The following ATP5PF variants were observed in gnomAD, a reference collection of about 807,000 sequenced individuals.
ATP5PF encodes ATP synthase peripheral stalk subunit F6.
In ATP5PF, 7 loss-of-function variants were observed where a neutral mutation model predicts 12.0. The observed-to-expected ratio is 0.58, with a 90% confidence interval of 0.33 to 1.10. ATP5PF has a LOEUF of 1.10. Ranked by LOEUF, ATP5PF falls within the 50% of genes least tolerant of loss-of-function variation. ATP5PF has a pLI of 0.03. For missense variants in ATP5PF, 120 were observed against 127.7 expected (o/e 0.94, Z 0.29); for synonymous variants, 41 against 45.4 (o/e 0.90, Z 0.39).
At chr21:25,731,092 A>G (rs927846175) in intron 1 of ATP5PF, among the ~76,000 whole-genome samples, 1 of 152,050 alleles carries the variant, frequency 6.6e-6, no homozygotes, top group African/African-American at 2.4e-5. Context: ...ACATACAAAA[A>G]TAAGTCAGGC....
At chr21:25,734,761 C>T (rs1601096348) in intron 1 of ATP5PF, 92 bp downstream of exon 1, 1 of 1,271,396 alleles carries the variant, frequency 7.9e-7, no homozygotes, top group Non-Finnish European at 1.1e-6. Flanking sequence ...CTCTCTCCTC[C>T]TAGTAAAGGT....
chr21:25,734,833 C>A lies in ATP5PF; in HGVS notation c.-8+20G>T. ...TGGAGTCCCAAAAGGCCACGCTGAT[C>A]TAGCTACCCTCCCAGTCACCTTGCA... is the stretch of plus-strand genomic sequence containing the variant. On this transcript the variant is annotated intron_variant, in intron 1 of 3. Transcript: ENST00000284971. The A allele has an allele frequency of 6.5e-7, 1 of 1,532,338 alleles. No homozygotes were observed. The highest frequency in any genetic ancestry group is 1.2e-5 in the South Asian group (1 of 83,756). 94.9% of individuals were successfully genotyped at this position (1,532,338 alleles called of 1,614,324 possible).
At chr21:25,729,932 A>G (rs1283176021) in intron 1 of ATP5PF, 131 bp from the exon 2 acceptor site, 29 of 1,046,180 alleles carry the variant, frequency 2.8e-5, no homozygotes, top group Non-Finnish European at 3.7e-5. Flanking sequence ...ATACCTGACC[A>G]CAGTTCCCTT....
intron 1 of ATP5PF, among the ~76,000 whole-genome samples, chr21:25,732,836 A>G (rs1281000265): frequency 6.6e-6 from 1 of 151,642 alleles, no homozygotes; most frequent in Non-Finnish European, 1.5e-5. Flanking sequence ...ATACAAAATT[A>G]GCCGGGAGTG....
In ATP5PF at chr21:25,725,225, C is replaced by T. The variant is rs1210120789; in HGVS notation, c.289+1G>A. The T allele has an allele frequency of 4.4e-6, 7 of 1,601,670 alleles. No individual in the cohort carries two copies. The highest frequency in any genetic ancestry group is 5.9e-6 in the Non-Finnish European group (7 of 1,177,004). On this transcript the variant is annotated splice_donor_variant, in intron 3 of 3. Transcript: ENST00000284971. LOFTEE classifies it high-confidence loss of function. ...ATGAATCTGTGATTTATAAGACGTACCTTCAAATTTGAAGGTGGGAAATGT... is the reference window on the plus strand; with the variant it reads ...ATGAATCTGTGATTTATAAGACGTATCTTCAAATTTGAAGGTGGGAAATGT...
rs190283926 is a variant in ATP5PF, at chr21:25,725,660, G to C, written c.165-310C>G. On this transcript the variant is annotated intron_variant, in intron 2 of 3. Coordinates refer to ENST00000284971, the MANE Select transcript of ATP5PF (RefSeq NM_001003703.2). ...TCACCATGTTAACCAGGATGGTCTC[G>C]ATCTCCTGACCTCATGATCCGCCCG... Among the ~76,000 whole-genome samples the C allele has an allele frequency of 2.2e-3, 342 of 152,146 alleles. 2 individuals carry two copies. The highest frequency in any genetic ancestry group is 7.9e-3 in the African/African-American group (328 of 41,530).
intron 3 of ATP5PF, chr21:25,724,945 C>T: frequency 3.4e-6 from 2 of 582,588 alleles, no homozygotes; most frequent in Non-Finnish European, 5.9e-6. Context: ...GAGACATGCA[C>T]CAGTTAATTA....
intron 2 of ATP5PF, among the ~76,000 whole-genome samples, chr21:25,727,992 T>C (rs2034661914): frequency 6.6e-6 from 1 of 152,214 alleles, no homozygotes; most frequent in South Asian, 2.1e-4. Flanking sequence ...CCTTTGTTAG[T>C]TACCTCGCCT....
At chr21:25,733,613 C>T (rs2034876989) in intron 1 of ATP5PF, among the ~76,000 whole-genome samples, 1 of 152,160 alleles carries the variant, frequency 6.6e-6, no homozygotes, top group Non-Finnish European at 1.5e-5. Context: ...TTCAATGCCA[C>T]TTTCCCTTCT....
upstream of ATP5PF, chr21:25,735,052 C>G (rs2123469219): frequency 7.7e-7 from 1 of 1,301,594 alleles, no homozygotes; most frequent in African/African-American, 1.5e-5. Context: ...AGAAGCCAAA[C>G]AGGAGGAGGA....
At chr21:25,732,793 G>C (rs2034821437) in intron 1 of ATP5PF, among the ~76,000 whole-genome samples, 2 of 151,902 alleles carry the variant, frequency 1.3e-5, no homozygotes, top group Non-Finnish European at 2.9e-5. Context: ...AGATCAGCCT[G>C]ACCAACATGG....
At chr21:25,732,532 G>A (rs1176124944) in intron 1 of ATP5PF, among the ~76,000 whole-genome samples, 3 of 151,738 alleles carry the variant, frequency 2.0e-5, no homozygotes, top group Non-Finnish European at 4.4e-5. Context: ...TGTAGTCCCA[G>A]GTACTTGGGA....
chr21:25,731,811 G>A lies in ATP5PF; in HGVS notation c.-7-2010C>T, dbSNP rs570227082. ...AGATATAAGTATTTAGAGGCCAGGCGAGGTGGCTCATGCCTGTAATCCCAG... is the reference window on the plus strand; with the variant it reads ...AGATATAAGTATTTAGAGGCCAGGCAAGGTGGCTCATGCCTGTAATCCCAG... On this transcript the variant is annotated intron_variant, in intron 1 of 3. Transcript: ENST00000284971. Among the ~76,000 whole-genome samples, 7 of 152,242 alleles carry A rather than the reference G, an allele frequency of 4.6e-5. No individual in the cohort carries two copies. The East Asian group carries it at 5.8e-4, about 13-fold the overall frequency.
At chr21:25,731,836 G>A (rs1476573066) in intron 1 of ATP5PF, among the ~76,000 whole-genome samples, 1 of 152,194 alleles carries the variant, frequency 6.6e-6, no homozygotes, top group African/African-American at 2.4e-5. Context: ...TGTAATCCCA[G>A]CACTTTGGGA....
At position 25,724,645 on chromosome 21, in the gene ATP5PF, C is replaced by T; in HGVS notation, c.322G>A (p.Ala108Thr). 1 of 1,598,436 alleles carries T rather than the reference C, an allele frequency of 6.3e-7. No individual in the cohort carries two copies. The highest frequency in any genetic ancestry group is 8.5e-7 in the Non-Finnish European group (1 of 1,176,002). ...ATTAATTTTACTTTATTTCTTCAGG[C>T]CTGGGGTTTTTCGATGACTTCAAAT... Reference protein sequence around the residue: ...PKFEVIEKPQA With the variant: ...PKFEVIEKPQT The change falls in exon 4 of 4, where the codon GCC becomes ACC. Residue 108 changes from alanine to threonine, a missense_variant. Ala to Thr is a moderately conservative substitution (Grantham distance 58, BLOSUM62 0). Transcript: ENST00000284971.
rs2034565561 is a variant in ATP5PF, at chr21:25,724,517, T to C, written c.*123A>G. 2 of 1,118,814 alleles carry C rather than the reference T, an allele frequency of 1.8e-6. No homozygotes were observed. 69.3% of individuals were successfully genotyped at this position (1,118,814 alleles called of 1,614,324 possible). ...GAACACACTCAACATCACCAAATAA[T>C]TTATTTGGACTCAGAATTAAAAGAA... On this transcript the variant is annotated 3_prime_UTR_variant, in exon 4 of 4. Transcript: ENST00000284971.
Position 25,725,317 on chromosome 21 carries a change from C to T in ATP5PF, c.198G>A (p.Glu66=). The change falls in exon 3 of 4, where the codon GAG becomes GAA. Residue 66 remains glutamate, a synonymous_variant. Transcript: ENST00000284971. ...GCTCCCTCTCCAGCTCTTGCTGATA[C>T]TCTGAACTAGCATCAACAGGTCCTC... ...TSGGPVDASS[E]YQQELERELF... 8 of 1,611,976 alleles carry T rather than the reference C, an allele frequency of 5.0e-6. No individual in the cohort carries two copies. The highest frequency in any genetic ancestry group is 1.3e-5 in the African/African-American group (1 of 74,956).
At chr21:25,732,522 T>A (rs2034811838) in intron 1 of ATP5PF, among the ~76,000 whole-genome samples, 1 of 151,018 alleles carries the variant, frequency 6.6e-6, no homozygotes, top group Admixed American at 6.6e-5. Flanking sequence ...GGTGGGTGCC[T>A]GTAGTCCCAG....
intron 1 of ATP5PF, chr21:25,734,560 A>C: frequency 2.2e-6 from 1 of 444,574 alleles, no homozygotes; most frequent in South Asian, 5.5e-5. Flanking sequence ...CGCGCGCCTG[A>C]CCTTGGGTTG....
Sources: allele counts gnomAD v4.1 joint callset (sites outside exome capture counted in the v4.1 genomes callset), GRCh38; gene constraint gnomAD v4.1.1; transcripts MANE v1.5; gene names NCBI Gene and HGNC (gene_info 2026-07-23, HGNC 2026-07-21).